Variants in CWC27 observed in about 807,000 individuals in gnomAD.
CWC27 encodes the protein spliceosome-associated protein CWC27 homolog.
Under a neutral mutation model 63.6 loss-of-function variants are expected in CWC27, and 47 were observed. The ratio of observed to expected loss-of-function variants is 0.74; its 90% CI spans 0.58 to 0.94. The LOEUF (loss-of-function observed/expected upper bound fraction) is 0.94. CWC27 is among the 40% of genes least tolerant of loss of function. The probability of loss-of-function intolerance (pLI) is 0.00; values close to 1 mark genes in which losing one functional copy is unlikely to be tolerated. For missense variants in CWC27, 495 were observed against 554.3 expected (o/e 0.89, Z 1.07); for synonymous variants, 175 against 179.8 (o/e 0.97, Z 0.22).
intron 13 of CWC27, among the ~76,000 whole-genome samples, chr5:65,002,339 T>C (rs188662615): frequency 5.3e-5 from 8 of 152,248 alleles, no homozygotes; most frequent in African/African-American, 1.9e-4. Context: ...TAATTCCTTT[T>C]TTCTACTAAT....
At chr5:64,862,605 G>A (rs1369394541) in intron 10 of CWC27, among the ~76,000 whole-genome samples, 1 of 151,966 alleles carries the variant, frequency 6.6e-6, no homozygotes, top group African/African-American at 2.4e-5. Context: ...CTAATACCCA[G>A]CCCATATTCA....
chr5:64,978,402 C>CT (rs1421090350), intron 13 of CWC27, among the ~76,000 whole-genome samples: 1 of 152,048 alleles, frequency 6.6e-6, no homozygotes, highest in Non-Finnish European at 1.5e-5. Context: ...TCCTAGATAT[C>CT]TTTTAATAGG....
intron 10 of CWC27, chr5:64,807,708 G>A: frequency 6.5e-7 from 1 of 1,535,900 alleles, no homozygotes; most frequent in Non-Finnish European, 8.7e-7. Flanking sequence ...CCTCAGCTGT[G>A]TCTCCAGTGC....
chr5:64,802,351 G>GGT (rs1465811029), intron 9 of CWC27, among the ~76,000 whole-genome samples: 2 of 152,126 alleles, frequency 1.3e-5, no homozygotes, highest in Non-Finnish European at 2.9e-5. Flanking sequence ...GCGTGAACAG[G>GGT]GTGTGGTGAC....
chr5:64,802,615 G>A (rs1744526455), intron 9 of CWC27, among the ~76,000 whole-genome samples: 1 of 152,070 alleles, frequency 6.6e-6, no homozygotes, highest in Non-Finnish European at 1.5e-5. Flanking sequence ...AGGTAGATTT[G>A]AAAGAGGTCT....
intron 10 of CWC27, among the ~76,000 whole-genome samples, chr5:64,830,688 G>T (rs1380798846): frequency 6.6e-6 from 1 of 152,132 alleles, no homozygotes; most frequent in East Asian, 1.9e-4. Context: ...CTGACAAAGG[G>T]CTAATATCCA....
chr5:65,012,333 G>T (rs1057268598), intron 13 of CWC27, among the ~76,000 whole-genome samples: 11 of 152,148 alleles, frequency 7.2e-5, no homozygotes, highest in African/African-American at 2.7e-4. Context: ...TGAAACAGGG[G>T]TGATAATAAT....
chr5:64,856,239 C>T (rs1223025796), intron 10 of CWC27, among the ~76,000 whole-genome samples: 1 of 151,874 alleles, frequency 6.6e-6, no homozygotes, highest in Admixed American at 6.6e-5. Flanking sequence ...TTTTAAAATA[C>T]TTTTTTTAAA....
At chr5:64,772,106 G>A (rs893823412) in intron 1 of CWC27, among the ~76,000 whole-genome samples, 2 of 152,126 alleles carry the variant, frequency 1.3e-5, no homozygotes. Flanking sequence ...TGTGCGCAAG[G>A]TAACAAAGCT....
chr5:64,837,996 G>A (rs775773905), intron 10 of CWC27, among the ~76,000 whole-genome samples: 1 of 152,042 alleles, frequency 6.6e-6, no homozygotes, highest in Non-Finnish European at 1.5e-5. Flanking sequence ...CATTTATCCT[G>A]TGCAGAAGTT....
At chr5:64,865,783 T>A (rs948734823) in intron 10 of CWC27, among the ~76,000 whole-genome samples, 5 of 152,184 alleles carry the variant, frequency 3.3e-5, no homozygotes, top group Middle Eastern at 6.8e-3. Context: ...AGAGTCACGT[T>A]GGGCATATTT....
At chr5:64,973,208 T>C (rs532453040) in intron 12 of CWC27, among the ~76,000 whole-genome samples, 1 of 152,316 alleles carries the variant, frequency 6.6e-6, no homozygotes, top group African/African-American at 2.4e-5. Context: ...TCGTACAAGG[T>C]ATTTTTAAAC....
Position 64,894,607 on chromosome 5 carries a change from T to C in CWC27, c.1042+9061T>C, listed in dbSNP as rs139374449. Among the ~76,000 whole-genome samples the C allele has an allele frequency of 2.7e-4, 41 of 152,306 alleles. No homozygotes were observed. The East Asian group carries it at 6.6e-3, about 24-fold the overall frequency. On this transcript the variant is annotated intron_variant, in intron 11 of 13. Coordinates refer to ENST00000381070, the MANE Select transcript of CWC27 (RefSeq NM_005869.4). ...ATCAATTTCTGTCACTATGGCAGCC[T>C]AGGAGTCCAAACTGATCCCCTCACT...
Position 64,880,853 on chromosome 5 carries a change from C to CTT in CWC27, c.939-4590_939-4589insTT, listed in dbSNP as rs571051416. Among the ~76,000 whole-genome samples, 1,219 of 136,018 alleles carry CTT rather than the reference C, an allele frequency of 9.0e-3. 44 individuals are homozygous for CTT. The highest frequency in any genetic ancestry group is 0.035 in the South Asian group (150 of 4,254). 89.2% of individuals were successfully genotyped at this position (136,018 alleles called of 152,430 possible). ...AGAGTTAGTAACAGTTTATAAAAGC[C>CTT]ATTTTTTTTTTTTTTTTTTTTACCA... On this transcript the variant is annotated intron_variant, in intron 10 of 13. Transcript: ENST00000381070.
At chr5:64,774,635 T>A in intron 1 of CWC27, 56 bp from the exon 2 acceptor site, 1 of 1,039,244 alleles carries the variant, frequency 9.6e-7, no homozygotes, top group African/African-American at 1.7e-5. Flanking sequence ...AAATAGTTAT[T>A]CAACTGATTA....
At chr5:64,938,583 T>C (rs1385353997) in intron 11 of CWC27, among the ~76,000 whole-genome samples, 2 of 152,204 alleles carry the variant, frequency 1.3e-5, no homozygotes, top group Non-Finnish European at 2.9e-5. Context: ...ATTATATGTC[T>C]TGGGGTTGTT....
intron 10 of CWC27, among the ~76,000 whole-genome samples, chr5:64,813,315 A>G (rs1744940007): frequency 1.3e-5 from 2 of 152,198 alleles, no homozygotes; most frequent in South Asian, 4.1e-4. Flanking sequence ...AAATAAAAAT[A>G]CCACTTTTAA....
chr5:64,812,783 G>A (rs1198511489), intron 10 of CWC27, among the ~76,000 whole-genome samples: 2 of 152,040 alleles, frequency 1.3e-5, no homozygotes, highest in African/African-American at 4.8e-5. Flanking sequence ...AAGGAGATAT[G>A]GTTTCTATCT....
At chr5:64,775,550 TC>T (rs1466043298) in intron 2 of CWC27, among the ~76,000 whole-genome samples, 1 of 152,132 alleles carries the variant, frequency 6.6e-6, no homozygotes, top group Non-Finnish European at 1.5e-5. Flanking sequence ...TGCTTTTTCT[TC>T]CCTTTTTTTA....
Sources: allele counts gnomAD v4.1 joint callset (sites outside exome capture counted in the v4.1 genomes callset), GRCh38; gene constraint gnomAD v4.1.1; transcripts MANE v1.5; gene names NCBI Gene and HGNC (gene_info 2026-07-23, HGNC 2026-07-21).